Variants in COL1A1 observed in about 807,000 individuals in gnomAD.
The protein encoded by COL1A1 is collagen alpha-1(I) chain.
A neutral mutation model predicts 195.7 loss-of-function variants in COL1A1; 21 were observed. The observed-to-expected ratio is 0.11, with a 90% CI of 0.08 to 0.15. The LOEUF is 0.15. Ranked by LOEUF, COL1A1 falls within the 10% of genes least tolerant of loss-of-function variation. COL1A1 has a pLI of 1.00. For synonymous variants in COL1A1, 749 were observed against 747.3 expected, an observed-to-expected ratio of 1.00 and a Z score of -0.04; for missense variants, 1,365 against 2,051.0, an observed-to-expected ratio of 0.67 and a Z score of 6.46.
Position 50,190,543 on chromosome 17 carries a change from G to T in COL1A1, c.2397C>A (p.Pro799=). The T allele has an allele frequency of 6.2e-7, 1 of 1,612,480 alleles. No individual in the cohort carries two copies. The highest frequency in any genetic ancestry group is 8.5e-7 in the Non-Finnish European group (1 of 1,178,990). Residue 799 remains proline, a splice_region_variant and synonymous_variant, in exon 34 of 51, where the codon CCC becomes CCA. Transcript: ENST00000225964. The surrounding 1 kb of genome is among the most constrained non-coding windows in gnomAD (Gnocchi z 4.7). ...GTCTTAACAGGTCTTCTGTACTTAC[G>T]GGGGCACCACGAGCTCCAGTGGGAC... ...PAGPTGARGA[P]GDRGEPGPPG...
intron 5 of COL1A1, among the ~76,000 whole-genome samples, chr17:50,199,019 A>G (rs1365726625): frequency 6.6e-6 from 1 of 152,234 alleles, no homozygotes; most frequent in Non-Finnish European, 1.5e-5. Context: ...ACTTGCTCAA[A>G]CAGTTCAGAA....
chr17:50,194,018 G>A lies in COL1A1; in HGVS notation c.1692C>T (p.Arg564=), dbSNP rs1598295102. ...GPPGPAGQDG[R]PGPPGPPGAR... is the part of the protein sequence containing the mutation. ...CACCAGGTGGGCCTGGGGGTCCGGG[G>A]CGACCATCTTGACCGGCGGGACCCT... is the stretch of plus-strand genomic sequence containing the variant. Residue 564 remains arginine, a synonymous_variant, in exon 25 of 51, where the codon CGC becomes CGT. Transcript: ENST00000225964. The surrounding 1 kb of genome is among the most constrained non-coding windows in gnomAD (Gnocchi z 6.8). 4 of 1,613,294 alleles carry A rather than the reference G, an allele frequency of 2.5e-6. No homozygotes were observed. Among genetic ancestry groups the A allele is most frequent in the Non-Finnish European group, 3.4e-6 (4 of 1,179,680 alleles).
chr17:50,197,988 G>A lies in COL1A1; in HGVS notation c.603C>T (p.Phe201=), dbSNP rs1390748733. Residue 201 remains phenylalanine (F), a synonymous_variant, in exon 8 of 51, where the codon TTC becomes TTT. Coordinates refer to ENST00000225964, the MANE Select transcript of COL1A1 (RefSeq NM_000088.4). ...CGCCAGGCTCACCAGGGGGACCTTG[G>A]AAGCCTTGGGGACCCTTGAGAAGAA... ...GPPGAPGPQG[F]QGPPGEPGEP... 1.2e-6 allele frequency: 2 copies of A among 1,614,070 alleles called. No homozygotes were observed.
rs775914893 is a variant in COL1A1 at position 50,197,066 on chromosome 17, G to A, written c.751-3C>T. ...GTTCCGGGCAATCCTCGAGCACCCT[G>A]GAGAGAGATGAAGAAGACAAGGAAG... On this transcript the variant is annotated splice_region_variant and splice_polypyrimidine_tract_variant and intron_variant, in intron 10 of 50. Transcript: ENST00000225964. 3.7e-6 allele frequency: 6 copies of A among 1,614,172 alleles called. No homozygotes were observed. The highest frequency in any genetic ancestry group is 5.1e-6 in the Non-Finnish European group (6 of 1,180,036).
Position 50,190,173 on chromosome 17 carries a change from G to C in COL1A1, c.2452-65C>G. ...CAGGAGTTTCCACTACCTGGGGGAG[G>C]AGCAGTAATGGAGGCAGGAAGATGC... On this transcript the variant is annotated intron_variant, in intron 35 of 50. Coordinates refer to ENST00000225964, the MANE Select transcript of COL1A1 (RefSeq NM_000088.4). This position sits in a 1 kb window ranked among gnomAD's most constrained non-coding sequence, Gnocchi z 4.7. The C allele has an allele frequency of 7.3e-7, 1 of 1,375,934 alleles. No individual in the cohort carries two copies. Among genetic ancestry groups the C allele is most frequent in the East Asian group, 2.3e-5 (1 of 43,774 alleles). 85.2% of individuals were successfully genotyped at this position (1,375,934 alleles called of 1,614,324 possible).
chr17:50,200,810 C>G (rs1482975449), intron 1 of COL1A1, among the ~76,000 whole-genome samples: 2 of 152,212 alleles, frequency 1.3e-5, no homozygotes, highest in African/African-American at 4.8e-5. Flanking sequence ...CCAGCAATAA[C>G]CCGGGTCTTC....
In COL1A1 at chr17:50,194,435, C is replaced by T; in HGVS notation, c.1528G>A (p.Glu510Lys). ...CCAGCAGGGCCAGGAGAACCACGTT[C>T]ACCAGCGGGACCCTGGTTGGGGGAA... The part of the protein sequence containing the change: ...GVAGPKGPAG[E>K]RGSPGPAGPK... The change falls in exon 23 of 51, where the codon GAA (glutamate) becomes AAA (lysine). Residue 510 changes from glutamate (E) to lysine (K), a missense_variant. Around this residue, in one of 5 missense-constraint regions of COL1A1, gnomAD observed 671 missense variants for 1,099.9 expected, o/e 0.61. Coordinates refer to ENST00000225964, the MANE Select transcript of COL1A1 (RefSeq NM_000088.4). This position sits in a 1 kb window ranked among gnomAD's most constrained non-coding sequence, Gnocchi z 6.8. 1 of 1,614,080 alleles carries T rather than the reference C, an allele frequency of 6.2e-7. No individual in the cohort carries two copies. The highest frequency in any genetic ancestry group is 1.3e-5 in the African/African-American group (1 of 75,030).
chr17:50,199,560 A>T lies in COL1A1; in HGVS notation c.329T>A (p.Val110Asp), dbSNP rs941198294. 6.2e-7 allele frequency: 1 copy of T among 1,614,008 alleles called. No individual in the cohort carries two copies. The highest frequency in any genetic ancestry group is 1.7e-5 in the Admixed American group (1 of 60,008). The change falls in exon 3 of 51, where the codon GTC becomes GAC. Residue 110 changes from valine to aspartate, a missense_variant. By Grantham distance (152) the Val-to-Asp change is radical. Around this residue, in one of 5 missense-constraint regions of COL1A1, gnomAD observed 194 missense variants for 221.7 expected, o/e 0.88. Coordinates refer to ENST00000225964, the MANE Select transcript of COL1A1 (RefSeq NM_000088.4). The part of the protein sequence containing the change: ...ESPTDQETTG[V>D]EGPKGDTGPR... ...AATTCGAGGGCAGGAGATTACCTCGACGCCGGTGGTTTCTTGGTCGGTGGG... is the reference window on the plus strand; with the variant it reads ...AATTCGAGGGCAGGAGATTACCTCGTCGCCGGTGGTTTCTTGGTCGGTGGG...
chr17:50,187,195 C>A, intron 46 of COL1A1, 73 bp from the exon 47 acceptor site: 1 of 1,241,686 alleles, frequency 8.1e-7, no homozygotes. Flanking sequence ...GAGAGGCCCA[C>A]CACCCTCCCT....
At position 50,195,593 on chromosome 17, in the gene COL1A1, CA is replaced by C. The variant is rs72645370; in HGVS notation, c.1128del (p.Gly377AlafsTer164). ...GCAGGGCCAGCAGCACCAGCAGGGC[CA>C]GGGGGGCCAGGCTCACCACGCACAC... ...PQGVRGEPGPPGPAGAAGPAG... is the reference protein window; with the variant it reads ...PQGVRGEPGPXGPAGAAGPAG... On this transcript the variant is annotated frameshift_variant, in exon 17 of 51. Transcript: ENST00000225964. LOFTEE classifies it high-confidence loss of function. The surrounding 1 kb of genome is among the most constrained non-coding windows in gnomAD (Gnocchi z 4.3). 1 of 1,614,058 alleles carries C rather than the reference CA, an allele frequency of 6.2e-7. No homozygotes were observed. The highest frequency in any genetic ancestry group is 8.5e-7 in the Non-Finnish European group (1 of 1,179,964).
intron 1 of COL1A1, chr17:50,200,272 G>A (rs886677515): frequency 7.5e-5 from 31 of 415,798 alleles, no homozygotes; most frequent in Non-Finnish European, 1.3e-4. Context: ...GGGGAGGGCG[G>A]GGGGAGAATA....
Position 50,190,126 on chromosome 17 carries a change from G to A in COL1A1, c.2452-18C>T. 2 of 1,606,398 alleles carry A rather than the reference G, an allele frequency of 1.2e-6. No individual in the cohort carries two copies. The highest frequency in any genetic ancestry group is 2.2e-5 in the South Asian group (2 of 90,950). ...TCAGCACCCTGGGGGAGGAAGCAGG[G>A]CGGTGAATGGAGGGAAGGAGGCAGG... On this transcript the variant is annotated intron_variant, in intron 35 of 50. Coordinates refer to ENST00000225964, the MANE Select transcript of COL1A1 (RefSeq NM_000088.4). This position sits in a 1 kb window ranked among gnomAD's most constrained non-coding sequence, Gnocchi z 4.7.
rs41316705 is a variant in COL1A1, at chr17:50,188,181, G to T, written c.3208-32C>A. The stretch of plus-strand genomic sequence containing the variant: ...AGAGCAAGGAAAGCATGAGCTCTTG[G>T]CCAGGGAAGGCTGAGGCTGGGGCTG... On this transcript the variant is annotated intron_variant, in intron 43 of 50. Transcript: ENST00000225964. The surrounding 1 kb of genome is among the most constrained non-coding windows in gnomAD (Gnocchi z 5.6). 156,811 of 1,529,838 alleles carry T rather than the reference G, an allele frequency of 0.1. 8,724 individuals are homozygous for T. Among genetic ancestry groups the T allele is most frequent in the Non-Finnish European group, 0.12 (131,122 of 1,133,346 alleles). The allele number at this position is 1,529,838 out of a possible 1,614,324, so 94.8% of individuals were successfully genotyped here. A position where few individuals can be genotyped will look rare whatever the true frequency, so the allele number is the denominator to read the frequency against.
At position 50,192,590 on chromosome 17, in the gene COL1A1, GGT is replaced by G. The variant is rs1434331240; in HGVS notation, c.1929+48_1929+49del. On this transcript the variant is annotated intron_variant, in intron 28 of 50. Coordinates refer to ENST00000225964, the MANE Select transcript of COL1A1 (RefSeq NM_000088.4). ...TTTAGAATCTGGAAGAGACCAAAGA[GGT>G]GTTTCCTACCCCTACCTCCCAGCAT... is the stretch of plus-strand genomic sequence containing the variant. 4 of 1,613,900 alleles carry G rather than the reference GGT, an allele frequency of 2.5e-6. No homozygotes were observed. In the Admixed American group the frequency reaches 6.7e-5, roughly 27 times the overall value.
Position 50,194,594 on chromosome 17 carries a change from T to G in COL1A1, c.1494A>C (p.Ala498=). 15 of 1,577,632 alleles carry G rather than the reference T, an allele frequency of 9.5e-6. No individual in the cohort carries two copies. The highest frequency in any genetic ancestry group is 1.3e-5 in the Non-Finnish European group (15 of 1,161,558). The part of the protein sequence containing the change: ...GGPGSRGFPG[A]DGVAGPKGPA... ...TTACCTTGGGACCAGCAACACCATC[T>G]GCGCCAGGGAAACCACGGCTACCAG... The change falls in exon 22 of 51, where the codon GCA becomes GCC. Residue 498 remains alanine, a synonymous_variant. Coordinates refer to ENST00000225964, the MANE Select transcript of COL1A1 (RefSeq NM_000088.4). This position sits in a 1 kb window ranked among gnomAD's most constrained non-coding sequence, Gnocchi z 6.8.
intron 46 of COL1A1, 150 bp downstream of exon 46, chr17:50,187,334 T>C: frequency 6.9e-6 from 6 of 874,918 alleles, no homozygotes; most frequent in Non-Finnish European, 1.1e-5. Flanking sequence ...CTAGATCAGA[T>C]TGTTTGTTCA....
intron 1 of COL1A1, among the ~76,000 whole-genome samples, chr17:50,200,849 T>C (rs963641272): frequency 1.3e-5 from 2 of 152,128 alleles, no homozygotes; most frequent in Non-Finnish European, 2.9e-5. Flanking sequence ...CAGTAAGCGT[T>C]GGACCGGGAG....
intron 6 of COL1A1, 31 bp downstream of exon 6, chr17:50,198,402 T>C (rs1230786524): frequency 7.5e-6 from 12 of 1,608,752 alleles, no homozygotes; most frequent in Admixed American, 3.4e-5. Context: ...CATTCTCTCT[T>C]CTGTCATCCA....
Position 50,195,196 on chromosome 17 carries a change from G to C in COL1A1, c.1299+36C>G. 6.2e-7 allele frequency: 1 copy of C among 1,608,054 alleles called. No individual in the cohort carries two copies. The highest frequency in any genetic ancestry group is 8.5e-7 in the Non-Finnish European group (1 of 1,174,936). On this transcript the variant is annotated intron_variant, in intron 19 of 50. Coordinates refer to ENST00000225964, the MANE Select transcript of COL1A1 (RefSeq NM_000088.4). The surrounding 1 kb of genome is among the most constrained non-coding windows in gnomAD (Gnocchi z 4.3). ...AGATGAGAGCCGCACTGGAGCCAGT[G>C]CATGGGGTGGGCAGAAGGGAGAGTT...
Sources: allele counts gnomAD v4.1 joint callset (sites outside exome capture counted in the v4.1 genomes callset), GRCh38; gene constraint gnomAD v4.1.1; regional missense constraint gnomAD v4.1.1; non-coding constraint Gnocchi (gnomAD v3.1); transcripts MANE v1.5; gene names NCBI Gene and HGNC (gene_info 2026-07-23, HGNC 2026-07-21).